ST8SIA4: variants seen among roughly 807,000 people sequenced by gnomAD.
ST8SIA4 encodes the protein CMP-N-acetylneuraminate-poly-alpha-2,8-sialyltransferase.
Under a neutral mutation model 33.9 loss-of-function variants are expected in ST8SIA4, and 15 were observed. The ratio of observed to expected loss-of-function variants is 0.44; its 90% CI spans 0.30 to 0.68. The LOEUF is 0.68. Among genes scored for constraint, ST8SIA4 ranks in the 30% least tolerant of loss-of-function variants. The pLI, the probability that ST8SIA4 is intolerant of heterozygous loss-of-function variation, is 0.10. For synonymous variants in ST8SIA4, 171 were observed against 151.2 expected, an observed-to-expected ratio of 1.13 and a Z score of -0.96; for missense variants, 321 against 428.0, an observed-to-expected ratio of 0.75 and a Z score of 2.21.
At position 100,895,918 on chromosome 5, in the gene ST8SIA4, G is replaced by A. The variant is rs558560701; in HGVS notation, c.114-133C>T. On this transcript the variant is annotated intron_variant, in intron 1 of 4. Coordinates refer to ENST00000231461, the MANE Select transcript of ST8SIA4 (RefSeq NM_005668.6). ...TCCCCTACAAGTTAGAAGGAAATAC[G>A]CAAGCATGATGAAAGGTGTTATGAG... is the stretch of plus-strand genomic sequence containing the variant. 211 of 869,018 alleles carry A rather than the reference G, an allele frequency of 2.4e-4. 3 individuals carry two copies. The South Asian group carries it at 3.6e-3, about 15-fold the overall frequency. The allele number at this position is 869,018 out of a possible 1,614,324, so 53.8% of individuals were successfully genotyped here.
intron 4 of ST8SIA4, among the ~76,000 whole-genome samples, chr5:100,813,178 C>T (rs1007484880): frequency 6.6e-6 from 1 of 151,882 alleles, no homozygotes; most frequent in Non-Finnish European, 1.5e-5. Context: ...TTTTATAAAA[C>T]TTTCCAGGGG....
chr5:100,862,895 C>T (rs1751979221), intron 3 of ST8SIA4, among the ~76,000 whole-genome samples: 1 of 152,146 alleles, frequency 6.6e-6, no homozygotes, highest in Non-Finnish European at 1.5e-5. Context: ...TAAGCTCATG[C>T]TCTTAAATAT....
At position 100,859,023 on chromosome 5, in the gene ST8SIA4, C is replaced by T. The variant is rs150410039; in HGVS notation, c.504-2627G>A. Among the ~76,000 whole-genome samples, 288 of 152,180 alleles carry T rather than the reference C, an allele frequency of 1.9e-3. 1 individual carries two copies. The highest frequency in any genetic ancestry group is 2.8e-3 in the Non-Finnish European group (190 of 67,932). On this transcript the variant is annotated intron_variant, in intron 3 of 4. Coordinates refer to ENST00000231461, the MANE Select transcript of ST8SIA4 (RefSeq NM_005668.6). Reference sequence around the variant, plus strand: ...TGTCCACATGTTGCTGGTAAATTAACAACTCTGTGGTTGAGTCAGATTTTT... The same window carrying T: ...TGTCCACATGTTGCTGGTAAATTAATAACTCTGTGGTTGAGTCAGATTTTT...
chr5:100,887,336 T>C (rs772383184), intron 2 of ST8SIA4, among the ~76,000 whole-genome samples: 16 of 152,066 alleles, frequency 1.1e-4, no homozygotes, highest in Admixed American at 3.3e-4. Context: ...CTTGGGCACA[T>C]GGATGCTCAG....
At chr5:100,899,207 T>C (rs558486289) in intron 1 of ST8SIA4, among the ~76,000 whole-genome samples, 38 of 152,316 alleles carry the variant, frequency 2.5e-4, no homozygotes, top group African/African-American at 8.2e-4. Flanking sequence ...CTCTTTAATA[T>C]AAAAATTTAA....
At chr5:100,819,023 T>C (rs1389965010) in intron 4 of ST8SIA4, among the ~76,000 whole-genome samples, 1 of 152,214 alleles carries the variant, frequency 6.6e-6, no homozygotes, top group African/African-American at 2.4e-5. Context: ...GTCTCATATT[T>C]AGTGAATACG....
chr5:100,893,874 A>C lies in ST8SIA4; in HGVS notation c.245+1780T>G, dbSNP rs151334954. Among the ~76,000 whole-genome samples, 867 of 152,204 alleles carry C rather than the reference A, an allele frequency of 5.7e-3. 4 individuals are homozygous for C. Among genetic ancestry groups the C allele is most frequent in the African/African-American group, 0.016 (648 of 41,544 alleles). On this transcript the variant is annotated intron_variant, in intron 2 of 4. Coordinates refer to ENST00000231461, the MANE Select transcript of ST8SIA4 (RefSeq NM_005668.6). ...CTTTCTTGCTAAGCCATCCAATTTGAAAGTTATTTTTCTGCTTACAGATCA... is the reference window on the plus strand; with the variant it reads ...CTTTCTTGCTAAGCCATCCAATTTGCAAGTTATTTTTCTGCTTACAGATCA...
intron 4 of ST8SIA4, among the ~76,000 whole-genome samples, chr5:100,850,802 A>ATG (rs1561394093): frequency 2.9e-5 from 1 of 34,492 alleles, no homozygotes; most frequent in Admixed American, 3.0e-4. Flanking sequence ...TATATATAAC[A>ATG]TGTGTGTGTA....
chr5:100,825,655 C>T (rs919574979), intron 4 of ST8SIA4, among the ~76,000 whole-genome samples: 25 of 152,184 alleles, frequency 1.6e-4, no homozygotes, highest in African/African-American at 5.8e-4. Flanking sequence ...CATAACTGAA[C>T]TCTGGACATT....
intron 4 of ST8SIA4, among the ~76,000 whole-genome samples, chr5:100,836,497 G>A (rs576714104): frequency 6.6e-6 from 1 of 151,988 alleles, no homozygotes; most frequent in South Asian, 2.1e-4. Flanking sequence ...AAAATACATA[G>A]AAAAGAAACC....
chr5:100,814,880 G>A, intron 4 of ST8SIA4, among the ~76,000 whole-genome samples: 1 of 151,902 alleles, frequency 6.6e-6, no homozygotes, highest in East Asian at 1.9e-4. Flanking sequence ...CTACAATTTT[G>A]AAATCCATAC....
intron 4 of ST8SIA4, among the ~76,000 whole-genome samples, chr5:100,845,328 T>C (rs1300374743): frequency 6.6e-6 from 1 of 151,888 alleles, no homozygotes; most frequent in Admixed American, 6.6e-5. Context: ...TCATGTTCAC[T>C]GTCTAAAAAT....
intron 3 of ST8SIA4, among the ~76,000 whole-genome samples, chr5:100,882,856 A>T (rs1752455033): frequency 1.3e-5 from 2 of 152,214 alleles, no homozygotes. Context: ...GGGTTTGGGA[A>T]CCTCTGCCTA....
intron 3 of ST8SIA4, among the ~76,000 whole-genome samples, chr5:100,859,377 G>A (rs145245901): frequency 6.6e-6 from 1 of 152,154 alleles, no homozygotes; most frequent in African/African-American, 2.4e-5. Flanking sequence ...GGACTTTGGT[G>A]AGTCAAAATT....
intron 4 of ST8SIA4, among the ~76,000 whole-genome samples, chr5:100,822,146 C>T (rs1258771507): frequency 6.6e-6 from 1 of 152,144 alleles, no homozygotes; most frequent in Non-Finnish European, 1.5e-5. Context: ...TTTCATTAGT[C>T]AAATATTAAT....
chr5:100,876,176 C>T (rs1359646581), intron 3 of ST8SIA4, among the ~76,000 whole-genome samples: 1 of 151,868 alleles, frequency 6.6e-6, no homozygotes, highest in African/African-American at 2.4e-5. Flanking sequence ...TATGAGAGAT[C>T]GAATTATATA....
intron 2 of ST8SIA4, among the ~76,000 whole-genome samples, chr5:100,894,227 T>A (rs1283354784): frequency 1.3e-5 from 2 of 152,144 alleles, no homozygotes; most frequent in Non-Finnish European, 2.9e-5. Flanking sequence ...TTCAGAGTTG[T>A]CAAATCATTC....
intron 1 of ST8SIA4, chr5:100,900,168 G>C (rs1299422202): frequency 6.0e-6 from 2 of 334,982 alleles, no homozygotes; most frequent in African/African-American, 2.2e-5. Context: ...GAACTGCCTT[G>C]TATTGCAAAA....
intron 3 of ST8SIA4, among the ~76,000 whole-genome samples, chr5:100,881,015 C>A (rs1752410226): frequency 1.3e-5 from 2 of 152,126 alleles, no homozygotes; most frequent in Non-Finnish European, 2.9e-5. Flanking sequence ...GTCAACTCCC[C>A]ATATATGTGC....
Sources: gnomAD v4.1 joint callset for allele counts (sites outside exome capture counted in the v4.1 genomes callset) on GRCh38, gnomAD v4.1.1 for gene constraint, MANE v1.5 for transcripts, NCBI Gene and HGNC (gene_info 2026-07-23, HGNC 2026-07-21) for gene names.